The following DLG2 variants were observed in gnomAD, a reference collection of about 807,000 sequenced individuals.
The protein encoded by DLG2 is disks large homolog 2.
DLG2 carries 45 observed loss-of-function variants against 132.5 expected under a neutral mutation model. The ratio of observed to expected loss-of-function variants is 0.34; its 90% CI spans 0.27 to 0.44. The LOEUF is 0.44. Among genes scored for constraint, DLG2 ranks in the 20% least tolerant of loss-of-function variants. The pLI, the probability that DLG2 is intolerant of heterozygous loss-of-function variation, is 1.00. For synonymous variants in DLG2, 424 were observed against 419.6 expected (o/e 1.01, Z -0.13); for missense variants, 1,045 against 1,196.9 (o/e 0.87, Z 1.87).
At chr11:85,413,617 C>A (rs1482920625) in intron 3 of DLG2, among the ~76,000 whole-genome samples, 1 of 152,064 alleles carries the variant, frequency 6.6e-6, no homozygotes, top group African/African-American at 2.4e-5. Context: ...CATTCTCCTA[C>A]ATGTGGCTAG....
At chr11:85,517,958 T>A (rs987765511) in intron 3 of DLG2, among the ~76,000 whole-genome samples, 3 of 152,228 alleles carry the variant, frequency 2.0e-5, no homozygotes, top group Non-Finnish European at 2.9e-5. Context: ...TCCCTTTGCC[T>A]GTCACCATTC....
chr11:83,909,421 A>G (rs1040744450), intron 15 of DLG2, among the ~76,000 whole-genome samples: 3 of 152,196 alleles, frequency 2.0e-5, no homozygotes, highest in Non-Finnish European at 4.4e-5. Flanking sequence ...TAAACTGAGT[A>G]TCATTCCATG....
intron 9 of DLG2, among the ~76,000 whole-genome samples, chr11:84,124,758 G>T (rs958410060): frequency 4.6e-5 from 7 of 151,220 alleles, no homozygotes; most frequent in African/African-American, 9.7e-5. Context: ...TAGATTTATT[G>T]TCTTTAGACA....
intron 3 of DLG2, among the ~76,000 whole-genome samples, chr11:85,341,313 G>T (rs59869002): frequency 6.6e-6 from 1 of 152,036 alleles, no homozygotes; most frequent in African/African-American, 2.4e-5. Context: ...GTAGACACAG[G>T]GTTTCACCGT....
intron 7 of DLG2, among the ~76,000 whole-genome samples, chr11:84,388,942 T>A (rs1210356694): frequency 6.6e-6 from 1 of 152,150 alleles, no homozygotes; most frequent in Admixed American, 6.6e-5. Flanking sequence ...CCTGAATATT[T>A]AGCTTAGAGA....
chr11:85,254,301 T>C (rs139289652), intron 4 of DLG2, among the ~76,000 whole-genome samples: 2 of 152,252 alleles, frequency 1.3e-5, no homozygotes, highest in African/African-American at 4.8e-5. Flanking sequence ...GGAAGACATC[T>C]ACAATCTATT....
At chr11:84,761,463 C>T (rs991387297) in intron 6 of DLG2, among the ~76,000 whole-genome samples, 2 of 152,214 alleles carry the variant, frequency 1.3e-5, no homozygotes, top group Admixed American at 6.5e-5. Flanking sequence ...GATTAACATT[C>T]GTGTCAGTGG....
intron 15 of DLG2, among the ~76,000 whole-genome samples, chr11:83,889,033 G>C (rs1192530561): frequency 1.3e-5 from 2 of 152,046 alleles, no homozygotes; most frequent in African/African-American, 4.8e-5. Context: ...TACCATTCAG[G>C]ACATAGGCAT....
intron 3 of DLG2, among the ~76,000 whole-genome samples, chr11:85,427,997 C>T (rs1315779573): frequency 6.6e-6 from 1 of 151,940 alleles, no homozygotes; most frequent in Non-Finnish European, 1.5e-5. Flanking sequence ...ATAAAACAGA[C>T]TTTAAACCAA....
intron 6 of DLG2, among the ~76,000 whole-genome samples, chr11:84,708,829 G>A (rs1285787039): frequency 1.3e-5 from 2 of 151,802 alleles, no homozygotes; most frequent in Non-Finnish European, 1.5e-5. Context: ...ATTCAAAAAA[G>A]GTGTATTTAG....
chr11:83,925,609 T>C (rs1439743066), intron 15 of DLG2, among the ~76,000 whole-genome samples: 1 of 152,078 alleles, frequency 6.6e-6, no homozygotes, highest in East Asian at 1.9e-4. Context: ...CATGAATATA[T>C]ATATCCTTCA....
intron 6 of DLG2, among the ~76,000 whole-genome samples, chr11:85,051,077 TAAAC>T (rs1566736986): frequency 6.6e-6 from 1 of 152,138 alleles, no homozygotes; most frequent in African/African-American, 2.4e-5. Context: ...TCATGCTTCT[TAAAC>T]AGGGTAAAAT....
intron 3 of DLG2, among the ~76,000 whole-genome samples, chr11:85,291,191 A>G (rs1239991304): frequency 6.6e-6 from 1 of 152,194 alleles, no homozygotes; most frequent in African/African-American, 2.4e-5. Flanking sequence ...AGGATTTTTT[A>G]CATGACTTAA....
At chr11:83,823,602 GTCCTAGGATTTCCAACTGCC>G (rs2051499995) in intron 17 of DLG2, among the ~76,000 whole-genome samples, 1 of 152,052 alleles carries the variant, frequency 6.6e-6, no homozygotes, top group African/African-American at 2.4e-5. Flanking sequence ...ACTGAGAGGG[GTCCTAGGATTTCCAACTGCC>G]TTCAGAGAAG....
In DLG2 at chr11:84,821,630, A is replaced by C. The variant is rs1431929781; in HGVS notation, c.358-286899T>G. 4.0e-5 allele frequency among the ~76,000 whole-genome samples: 5 copies of C among 125,146 alleles called. No homozygotes were observed. In the East Asian group the frequency reaches 9.9e-4, roughly 25 times the overall value. 82.1% of individuals were successfully genotyped at this position (125,146 alleles called of 152,430 possible). ...CTCACCTATGGTTCATACAATGTAA[A>C]AAAAAAAAAAACAACAACAACAAAA... On this transcript the variant is annotated intron_variant, in intron 6 of 27. Coordinates refer to ENST00000376104, the MANE Select transcript of DLG2 (RefSeq NM_001142699.3).
At chr11:83,733,240 CAAAAAA>C (rs71066061) in intron 18 of DLG2, among the ~76,000 whole-genome samples, 705 of 46,242 alleles carry the variant, frequency 0.015, 3 homozygotes, top group African/African-American at 0.049. Context: ...GACCCCATCT[CAAAAAA>C]AAAAAAAAAA....
intron 9 of DLG2, among the ~76,000 whole-genome samples, chr11:84,158,444 T>C (rs576056910): frequency 6.6e-6 from 1 of 152,212 alleles, no homozygotes; most frequent in Non-Finnish European, 1.5e-5. Flanking sequence ...TATTTAAGCT[T>C]AATTTTGACA....
chr11:84,786,891 CG>C (rs1327250776), intron 6 of DLG2, among the ~76,000 whole-genome samples: 2 of 152,104 alleles, frequency 1.3e-5, no homozygotes, highest in Non-Finnish European at 2.9e-5. Flanking sequence ...ATTAGGGTCC[CG>C]GGGGCCAGGA....
At chr11:83,809,366 C>T (rs374723497) in intron 17 of DLG2, among the ~76,000 whole-genome samples, 1 of 152,120 alleles carries the variant, frequency 6.6e-6, no homozygotes, top group Non-Finnish European at 1.5e-5. Flanking sequence ...ATACATAATG[C>T]TCTGTGACTC....
Sources: allele counts gnomAD v4.1 joint callset (sites outside exome capture counted in the v4.1 genomes callset), GRCh38; gene constraint gnomAD v4.1.1; transcripts MANE v1.5; gene names NCBI Gene and HGNC (gene_info 2026-07-23, HGNC 2026-07-21).